IGF2BP3: variants seen among roughly 807,000 people sequenced by gnomAD.
The protein encoded by IGF2BP3 is insulin-like growth factor 2 mRNA-binding protein 3.
A neutral mutation model predicts 73.8 loss-of-function variants in IGF2BP3; 9 were observed. That is an observed-to-expected ratio of 0.12 (90% CI 0.07 to 0.21). The LOEUF (loss-of-function observed/expected upper bound fraction) is 0.21. Among genes scored for constraint, IGF2BP3 ranks in the 10% least tolerant of loss-of-function variants. IGF2BP3 has a pLI of 1.00. For synonymous variants in IGF2BP3, 258 were observed against 256.7 expected (o/e 1.01, Z -0.05); for missense variants, 542 against 714.0 (o/e 0.76, Z 2.75).
intron 11 of IGF2BP3, among the ~76,000 whole-genome samples, chr7:23,318,185 G>A (rs1307317312): frequency 1.3e-5 from 2 of 152,044 alleles, no homozygotes; most frequent in East Asian, 3.9e-4. Flanking sequence ...CACACTCTAG[G>A]AATCTCTGTA....
chr7:23,416,370 CCCTT>C (rs1787190754), intron 3 of IGF2BP3, among the ~76,000 whole-genome samples: 1 of 151,972 alleles, frequency 6.6e-6, no homozygotes, highest in Admixed American at 6.6e-5. Context: ...TGTAACAGGC[CCCTT>C]CCTTTTTTCA....
Position 23,431,555 on chromosome 7 carries a change from A to C in IGF2BP3, c.237-12731T>G, listed in dbSNP as rs116292175. Among the ~76,000 whole-genome samples the C allele has an allele frequency of 1.3e-3, 192 of 152,300 alleles. 1 individual carries two copies. The highest frequency in any genetic ancestry group is 4.4e-3 in the African/African-American group (183 of 41,570). ...ATCTAGTGGATTAACAGAGGGTCAC[A>C]GGTACACTAAAGAAAAGCATACTTC... On this transcript the variant is annotated intron_variant, in intron 2 of 14. Transcript: ENST00000258729.
At chr7:23,341,003 C>T (rs1002257191) in intron 10 of IGF2BP3, among the ~76,000 whole-genome samples, 4 of 151,998 alleles carry the variant, frequency 2.6e-5, no homozygotes, top group Non-Finnish European at 4.4e-5. Flanking sequence ...GCACCTGCCA[C>T]CACTCCGGCT....
chr7:23,321,786 C>G (rs1015663576), intron 10 of IGF2BP3, among the ~76,000 whole-genome samples: 3 of 152,230 alleles, frequency 2.0e-5, no homozygotes, highest in Non-Finnish European at 4.4e-5. Flanking sequence ...AGCAGCCTAA[C>G]TGGGAGGCAC....
At chr7:23,425,160 C>A (rs889694332) in intron 2 of IGF2BP3, among the ~76,000 whole-genome samples, 1 of 152,136 alleles carries the variant, frequency 6.6e-6, no homozygotes. Context: ...GAGGTTTGTT[C>A]GTATCAAGAT....
intron 3 of IGF2BP3, among the ~76,000 whole-genome samples, chr7:23,393,744 T>G (rs1786359058): frequency 6.6e-6 from 1 of 152,214 alleles, no homozygotes; most frequent in African/African-American, 2.4e-5. Context: ...GGCAATCATG[T>G]TCATTTTGCA....
chr7:23,312,449 T>A lies in IGF2BP3; in HGVS notation c.1653A>T (p.Arg551Ser), dbSNP rs1229998806. Residue 551 changes from arginine (R) to serine (S), a missense_variant, in exon 15 of 15, where the codon AGA becomes AGT. By Grantham distance (110) the Arg-to-Ser change is moderately radical. Around this residue, in one of 2 missense-constraint regions of IGF2BP3, gnomAD observed 303 missense variants for 472.1 expected, o/e 0.64. Transcript: ENST00000258729. ...GHFYACQVAQ[R>S]KIQEILTQVK... is the part of the protein sequence containing the mutation. Reference sequence around the variant, plus strand: ...CCTGAGTCAGAATTTCCTGAATTTTTCTCTGGGCAACCTAGAAAAGGACAG... The same window carrying A: ...CCTGAGTCAGAATTTCCTGAATTTTACTCTGGGCAACCTAGAAAAGGACAG... 6.2e-7 allele frequency: 1 copy of A among 1,613,380 alleles called. No homozygotes were observed. The highest frequency in any genetic ancestry group is 8.5e-7 in the Non-Finnish European group (1 of 1,179,430).
chr7:23,407,824 C>G (rs1786884691), intron 3 of IGF2BP3, among the ~76,000 whole-genome samples: 1 of 151,654 alleles, frequency 6.6e-6, no homozygotes, highest in Non-Finnish European at 1.5e-5. Context: ...CCTTCATGAG[C>G]AGAGACACAG....
In IGF2BP3 at chr7:23,312,660, A is replaced by G. The variant is rs117661739; in HGVS notation, c.1641+75T>C. 44 of 1,080,702 alleles carry G rather than the reference A, an allele frequency of 4.1e-5. No individual in the cohort carries two copies. The East Asian group carries it at 9.1e-4, about 22-fold the overall frequency. The allele number at this position is 1,080,702 out of a possible 1,614,324, so 66.9% of individuals were successfully genotyped here. On this transcript the variant is annotated intron_variant, in intron 14 of 14. Coordinates refer to ENST00000258729, the MANE Select transcript of IGF2BP3 (RefSeq NM_006547.3). ...GCATCAAACAACCTTAACTAATTCT[A>G]TCAGGTAGGAGCACCTGTGGGAGAA...
chr7:23,311,182 TG>T lies in IGF2BP3; in HGVS notation c.*1179del, dbSNP rs1279415289. On this transcript the variant is annotated 3_prime_UTR_variant, in exon 15 of 15. Coordinates refer to ENST00000258729, the MANE Select transcript of IGF2BP3 (RefSeq NM_006547.3). Reference sequence around the variant, plus strand: ...AGCTTAGTGAGGCTCATGACAGTGCTGGCCCCATGGAAATGTAGCCTTTTGT... The same window carrying T: ...AGCTTAGTGAGGCTCATGACAGTGCTGCCCCATGGAAATGTAGCCTTTTGT... 1.3e-5 allele frequency: 2 copies of T among 152,176 alleles called. No individual in the cohort carries two copies. Among genetic ancestry groups the T allele is most frequent in the East Asian group, 1.9e-4 (1 of 5,192 alleles). The allele number at this position is 152,176 out of a possible 1,614,324, so 9.4% of individuals were successfully genotyped here. A position where few individuals can be genotyped will look rare whatever the true frequency, so the allele number is the denominator to read the frequency against.
intron 3 of IGF2BP3, among the ~76,000 whole-genome samples, chr7:23,392,222 C>T (rs2128521547): frequency 6.6e-6 from 1 of 152,202 alleles, no homozygotes; most frequent in South Asian, 2.1e-4. Context: ...GAGGGCAGAA[C>T]CATCAGTCCC....
At chr7:23,323,940 T>C (rs1784225338) in intron 10 of IGF2BP3, among the ~76,000 whole-genome samples, 1 of 151,902 alleles carries the variant, frequency 6.6e-6, no homozygotes, top group Admixed American at 6.5e-5. Flanking sequence ...GGGAAATTTA[T>C]AGCACTAAAT....
At chr7:23,316,674 CAAAAAAA>C (rs1271667588) in intron 12 of IGF2BP3, among the ~76,000 whole-genome samples, 3 of 50,122 alleles carry the variant, frequency 6.0e-5, no homozygotes, top group Non-Finnish European at 8.6e-5. Flanking sequence ...GACTCTGTCT[CAAAAAAA>C]AAAAAAAAAA....
intron 3 of IGF2BP3, among the ~76,000 whole-genome samples, chr7:23,403,277 G>A (rs904724626): frequency 6.6e-6 from 1 of 151,998 alleles, no homozygotes; most frequent in Admixed American, 6.6e-5. Context: ...CACCAGTATT[G>A]GTCCACTGAG....
At chr7:23,419,919 A>G (rs1787296805) in intron 2 of IGF2BP3, among the ~76,000 whole-genome samples, 1 of 152,152 alleles carries the variant, frequency 6.6e-6, no homozygotes, top group Non-Finnish European at 1.5e-5. Flanking sequence ...CTGCTAAAGG[A>G]GTGCACAGTA....
intron 2 of IGF2BP3, among the ~76,000 whole-genome samples, chr7:23,466,195 G>A (rs1053953536): frequency 1.3e-5 from 2 of 151,980 alleles, no homozygotes; most frequent in African/African-American, 4.8e-5. Context: ...GCTAATTTTT[G>A]TATTTTTAGT....
chr7:23,403,076 G>A (rs1490775677), intron 3 of IGF2BP3, among the ~76,000 whole-genome samples: 1 of 152,186 alleles, frequency 6.6e-6, no homozygotes, highest in Non-Finnish European at 1.5e-5. Context: ...TTCAGATACA[G>A]GGGAAACCCA....
intron 2 of IGF2BP3, among the ~76,000 whole-genome samples, chr7:23,447,236 T>C (rs1387040164): frequency 1.3e-5 from 2 of 151,596 alleles, no homozygotes; most frequent in African/African-American, 4.9e-5. Flanking sequence ...ATGCTAACCA[T>C]GGGAGACATC....
chr7:23,323,617 A>AT (rs1207031819), intron 10 of IGF2BP3, among the ~76,000 whole-genome samples: 5 of 151,246 alleles, frequency 3.3e-5, no homozygotes, highest in African/African-American at 1.2e-4. Context: ...CAGAATATAC[A>AT]TTTTTTTCAG....
Sources: gnomAD v4.1 joint callset for allele counts (sites outside exome capture counted in the v4.1 genomes callset) on GRCh38, gnomAD v4.1.1 for gene constraint, gnomAD v4.1.1 regional missense constraint, MANE v1.5 for transcripts, NCBI Gene and HGNC (gene_info 2026-07-23, HGNC 2026-07-21) for gene names.